Variants in PLXDC2 observed in about 807,000 individuals in gnomAD.
The protein encoded by PLXDC2 is plexin domain containing 2.
Under a neutral mutation model 68.9 loss-of-function variants are expected in PLXDC2, and 40 were observed. The observed-to-expected ratio is 0.58, with a 90% confidence interval of 0.45 to 0.76. The LOEUF (loss-of-function observed/expected upper bound fraction) is 0.76. PLXDC2 is among the 30% of genes least tolerant of loss of function. The probability of loss-of-function intolerance (pLI) is 0.00; values close to 1 mark genes in which losing one functional copy is unlikely to be tolerated. For missense variants in PLXDC2, 644 were observed against 661.9 expected, an observed-to-expected ratio of 0.97 and a Z score of 0.30; for synonymous variants, 243 against 234.2, an observed-to-expected ratio of 1.04 and a Z score of -0.34.
At chr10:20,075,035 T>C (rs965074297) in intron 4 of PLXDC2, among the ~76,000 whole-genome samples, 8 of 152,146 alleles carry the variant, frequency 5.3e-5, no homozygotes, top group Non-Finnish European at 1.2e-4. Context: ...GAAAGATGAA[T>C]TGCGTGATGT....
chr10:20,255,774 T>C (rs1465992689), intron 13 of PLXDC2, among the ~76,000 whole-genome samples: 1 of 152,068 alleles, frequency 6.6e-6, no homozygotes, highest in Non-Finnish European at 1.5e-5. Flanking sequence ...GAATGTATTA[T>C]AAATGATGGT....
intron 9 of PLXDC2, among the ~76,000 whole-genome samples, chr10:20,211,067 G>A (rs1318332664): frequency 2.0e-5 from 3 of 152,070 alleles, no homozygotes; most frequent in Admixed American, 6.6e-5. Flanking sequence ...CAAGACCCGA[G>A]GTAGACACTC....
chr10:19,980,640 A>G (rs561372893), intron 1 of PLXDC2, among the ~76,000 whole-genome samples: 24 of 152,366 alleles, frequency 1.6e-4, no homozygotes, highest in Admixed American at 2.6e-4. Flanking sequence ...GTATACACAC[A>G]TACGTATAAG....
At chr10:20,222,408 A>G (rs1049254884) in intron 12 of PLXDC2, among the ~76,000 whole-genome samples, 5 of 152,230 alleles carry the variant, frequency 3.3e-5, no homozygotes, top group African/African-American at 4.8e-5. Context: ...ACCCAGAGTT[A>G]CAATCTGCTA....
intron 1 of PLXDC2, among the ~76,000 whole-genome samples, chr10:19,892,383 A>G (rs1837980645): frequency 6.6e-6 from 1 of 152,176 alleles, no homozygotes; most frequent in Admixed American, 6.5e-5. Flanking sequence ...CTGGCTTCCA[A>G]GATCCGCTCT....
intron 7 of PLXDC2, among the ~76,000 whole-genome samples, chr10:20,173,970 A>G (rs1834483946): frequency 1.3e-5 from 2 of 152,196 alleles, no homozygotes; most frequent in Admixed American, 6.5e-5. Flanking sequence ...TGAGCAGGTA[A>G]TAGAACTAGC....
chr10:20,060,996 A>C (rs1836092220), intron 3 of PLXDC2, among the ~76,000 whole-genome samples: 1 of 152,114 alleles, frequency 6.6e-6, no homozygotes, highest in African/African-American at 2.4e-5. Context: ...TATTTTTGTA[A>C]AATTTTGTTT....
rs542314484 is a variant in PLXDC2, at chr10:20,012,910, G to A, written c.324+10924G>A. Among the ~76,000 whole-genome samples, 9 of 152,220 alleles carry A rather than the reference G, an allele frequency of 5.9e-5. No individual in the cohort carries two copies. In the South Asian group the frequency reaches 1.7e-3, roughly 28 times the overall value. ...ACTGAACTTGGCAGCCCTTGGGAAC[G>A]GTTGTTTTGAGTTATTTTCTATATG... On this transcript the variant is annotated intron_variant, in intron 2 of 13. Coordinates refer to ENST00000377252, the MANE Select transcript of PLXDC2 (RefSeq NM_032812.9).
intron 4 of PLXDC2, among the ~76,000 whole-genome samples, chr10:20,135,134 G>C (rs763643543): frequency 6.6e-6 from 1 of 152,194 alleles, no homozygotes; most frequent in Non-Finnish European, 1.5e-5. Context: ...GATTTTCTGA[G>C]AGTGGACAAG....
intron 6 of PLXDC2, among the ~76,000 whole-genome samples, chr10:20,150,624 C>T (rs1009610209): frequency 1.3e-5 from 2 of 152,150 alleles, no homozygotes; most frequent in African/African-American, 2.4e-5. Context: ...TCATTTTCAA[C>T]GGTTTGAACC....
At position 20,140,442 on chromosome 10, in the gene PLXDC2, C is replaced by CTATCTATCTATCTATCT. The variant is rs34794355; in HGVS notation, c.542-2853_542-2852insTATCTATCTATCTATCT. ...CTATCTATCTATCTATCTATCTATC[C>CTATCTATCTATCTATCT]GTCTAATCTTTAGCTGGGAATGCCC... is the stretch of plus-strand genomic sequence containing the variant. On this transcript the variant is annotated intron_variant, in intron 4 of 13. Transcript: ENST00000377252. 6.3e-3 allele frequency among the ~76,000 whole-genome samples: 918 copies of CTATCTATCTATCTATCT among 145,406 alleles called. 14 individuals are homozygous for CTATCTATCTATCTATCT. The highest frequency in any genetic ancestry group is 0.01 in the Middle Eastern group (3 of 286).
intron 2 of PLXDC2, among the ~76,000 whole-genome samples, chr10:20,024,144 A>T (rs963170323): frequency 6.6e-6 from 1 of 152,226 alleles, no homozygotes; most frequent in South Asian, 2.1e-4. Context: ...TTTCAAAAAC[A>T]TTCCTTTTAT....
intron 1 of PLXDC2, among the ~76,000 whole-genome samples, chr10:19,929,297 A>T (rs965175508): frequency 6.6e-6 from 1 of 152,118 alleles, no homozygotes; most frequent in Non-Finnish European, 1.5e-5. Context: ...GGGGAACTCA[A>T]ATGGGACCAG....
rs1338246240 is a variant in PLXDC2, at chr10:20,144,791, C to T, written c.664+1374C>T. On this transcript the variant is annotated intron_variant, in intron 5 of 13. Transcript: ENST00000377252. Reference sequence around the variant, plus strand: ...ACTATTTTCCAAACTCCGACATTCACTAGGTGATGTTAGGGTCATTTACTC... The same window carrying T: ...ACTATTTTCCAAACTCCGACATTCATTAGGTGATGTTAGGGTCATTTACTC... Among the ~76,000 whole-genome samples the T allele has an allele frequency of 2.0e-5, 3 of 152,264 alleles. No individual in the cohort carries two copies. The East Asian group carries it at 5.8e-4, about 29-fold the overall frequency.
intron 4 of PLXDC2, among the ~76,000 whole-genome samples, chr10:20,093,373 C>G (rs1833306584): frequency 6.6e-6 from 1 of 151,966 alleles, no homozygotes; most frequent in Admixed American, 6.6e-5. Flanking sequence ...CTATCAATAT[C>G]TATATTAATA....
chr10:19,840,485 T>C (rs1427710163), intron 1 of PLXDC2, among the ~76,000 whole-genome samples: 1 of 152,156 alleles, frequency 6.6e-6, no homozygotes, highest in Non-Finnish European at 1.5e-5. Context: ...ACTCTTTCAA[T>C]CTTACTGTTA....
Position 20,285,967 on chromosome 10 carries a change from A to G in PLXDC2, c.*6148A>G, listed in dbSNP as rs559392269. The G allele has an allele frequency of 3.3e-5, 5 of 152,230 alleles. No individual in the cohort carries two copies. Among genetic ancestry groups the G allele is most frequent in the Admixed American group, 6.5e-5 (1 of 15,284 alleles). 9.4% of individuals were successfully genotyped at this position (152,230 alleles called of 1,614,324 possible). A position where few individuals can be genotyped will look rare whatever the true frequency, so the allele number is the denominator to read the frequency against. On this transcript the variant is annotated 3_prime_UTR_variant, in exon 14 of 14. Coordinates refer to ENST00000377252, the MANE Select transcript of PLXDC2 (RefSeq NM_032812.9). ...AACTTAAATTGTAATACATCTGCCT[A>G]ATTATTGTCTGGAATAACTTTTCAA...
At position 20,281,666 on chromosome 10, in the gene PLXDC2, AAAGC is replaced by A. The variant is rs1290644762; in HGVS notation, c.*1851_*1854del. The A allele has an allele frequency of 6.6e-6, 1 of 152,146 alleles. No homozygotes were observed. Among genetic ancestry groups the A allele is most frequent in the Non-Finnish European group, 1.5e-5 (1 of 68,014 alleles). The allele number at this position is 152,146 out of a possible 1,614,324, so 9.4% of individuals were successfully genotyped here. On this transcript the variant is annotated 3_prime_UTR_variant, in exon 14 of 14. Coordinates refer to ENST00000377252, the MANE Select transcript of PLXDC2 (RefSeq NM_032812.9). ...AGTTAACTATTAAAAAAAATTTTGAAAAGCAAGGTGATTGAAGGATTGTGATGAC... is the reference window on the plus strand; with the variant it reads ...AGTTAACTATTAAAAAAAATTTTGAAAAGGTGATTGAAGGATTGTGATGAC...
intron 1 of PLXDC2, among the ~76,000 whole-genome samples, chr10:19,951,146 G>C (rs1027941737): frequency 1.3e-5 from 2 of 151,720 alleles, no homozygotes; most frequent in South Asian, 2.1e-4. Context: ...AATAAGTTAG[G>C]CTTAATTAAA....
Sources: gnomAD v4.1 joint callset for allele counts (sites outside exome capture counted in the v4.1 genomes callset) on GRCh38, gnomAD v4.1.1 for gene constraint, MANE v1.5 for transcripts, NCBI Gene and HGNC (gene_info 2026-07-23, HGNC 2026-07-21) for gene names.